The following HS3ST1 variants were observed in gnomAD, a reference collection of about 807,000 sequenced individuals.
The protein encoded by HS3ST1 is heparan sulfate-glucosamine 3-sulfotransferase 1, also known as heparan sulfate glucosamine 3-O-sulfotransferase 1.
A neutral mutation model predicts 20.7 loss-of-function variants in HS3ST1; 8 were observed. The ratio of observed to expected loss-of-function variants is 0.39; its 90% CI spans 0.23 to 0.70. The LOEUF (loss-of-function observed/expected upper bound fraction) is 0.70, where lower values mean the gene tolerates loss of function less well. Ranked by LOEUF, HS3ST1 falls within the 30% of genes least tolerant of loss-of-function variation. The pLI, the probability that HS3ST1 is intolerant of heterozygous loss-of-function variation, is 0.46. For synonymous variants in HS3ST1, 205 were observed against 190.4 expected (o/e 1.08, Z -0.63); for missense variants, 436 against 423.4 (o/e 1.03, Z -0.26).
intron 1 of HS3ST1, among the ~76,000 whole-genome samples, chr4:11,425,432 G>A (rs1293379164): frequency 1.3e-5 from 2 of 152,154 alleles, no homozygotes; most frequent in African/African-American, 2.4e-5. Flanking sequence ...GACATGTAAT[G>A]TGTATTATGT....
rs903722916 is a variant in HS3ST1 at position 11,393,715 on chromosome 4, T to G, written c.*5367A>C. The G allele has an allele frequency of 1.3e-5, 2 of 150,616 alleles. No homozygotes were observed. Among genetic ancestry groups the G allele is most frequent in the Non-Finnish European group, 3.0e-5 (2 of 67,698 alleles). The allele number at this position is 150,616 out of a possible 1,614,324, so 9.3% of individuals were successfully genotyped here. A position where few individuals can be genotyped will look rare whatever the true frequency, so the allele number is the denominator to read the frequency against. On this transcript the variant is annotated 3_prime_UTR_variant, in exon 2 of 2. Coordinates refer to ENST00000002596, the MANE Select transcript of HS3ST1 (RefSeq NM_005114.4). ...CTCTGAGCATGAGTTGCACCAGAGG[T>G]TGTCCTGCCTGGAGGCAATGAGGGT...
In HS3ST1 at chr4:11,399,283, G is replaced by T. The variant is rs1392422510; in HGVS notation, c.723C>A (p.Ile241=). 5 of 1,614,154 alleles carry T rather than the reference G, an allele frequency of 3.1e-6. No individual in the cohort carries two copies. Among genetic ancestry groups the T allele is most frequent in the Middle Eastern group, 3.3e-4 (2 of 6,062 alleles). The change falls in exon 2 of 2, where the codon ATC becomes ATA. Residue 241 remains isoleucine (I), a synonymous_variant. Transcript: ENST00000002596. This position sits in a 1 kb window ranked among gnomAD's most constrained non-coding sequence, Gnocchi z 5.1. ...TGTTAAAGTAGAAGTTCGAAGCATT[G>T]ATCTGCGGCGACAGCTTTAGGAACC... is the stretch of plus-strand genomic sequence containing the variant. The part of the protein sequence containing the change: ...VERFLKLSPQ[I]NASNFYFNKT...
intron 1 of HS3ST1, among the ~76,000 whole-genome samples, chr4:11,411,392 C>T (rs1718630659): frequency 1.3e-5 from 2 of 152,186 alleles, no homozygotes; most frequent in Non-Finnish European, 2.9e-5. Context: ...TTCCATCTGT[C>T]CCTTACTTGA....
At chr4:11,433,599 A>G (rs1719243998), upstream of HS3ST1, among the ~76,000 whole-genome samples, 1 of 152,094 alleles carries the variant, frequency 6.6e-6, no homozygotes. Context: ...AAGCTGGCTG[A>G]TCTTTTGATG....
intron 1 of HS3ST1, among the ~76,000 whole-genome samples, chr4:11,402,467 C>G (rs1718350503): frequency 6.6e-6 from 1 of 152,126 alleles, no homozygotes; most frequent in Non-Finnish European, 1.5e-5. Flanking sequence ...CTCAAGTCAC[C>G]TATGTGGTTC....
At chr4:11,433,328 T>G (rs1719240070), upstream of HS3ST1, among the ~76,000 whole-genome samples, 1 of 152,212 alleles carries the variant, frequency 6.6e-6, no homozygotes, top group South Asian at 2.1e-4. Flanking sequence ...AGGTAAAGTA[T>G]GCACAGTAAA....
rs1036570906 is a variant in HS3ST1, at chr4:11,395,845, G to A, written c.*3237C>T. On this transcript the variant is annotated 3_prime_UTR_variant, in exon 2 of 2. Transcript: ENST00000002596. Reference sequence around the variant, plus strand: ...CTAGTTGATTTCTCTCAGGAATGTTGCTGAACTGAATGCCAAACCATGGAA... The same window carrying A: ...CTAGTTGATTTCTCTCAGGAATGTTACTGAACTGAATGCCAAACCATGGAA... 2 of 152,150 alleles carry A rather than the reference G, an allele frequency of 1.3e-5. No homozygotes were observed. Among genetic ancestry groups the A allele is most frequent in the African/African-American group, 4.8e-5 (2 of 41,404 alleles). 9.4% of individuals were successfully genotyped at this position (152,150 alleles called of 1,614,324 possible).
At chr4:11,419,283 AATG>A (rs1718863852) in intron 1 of HS3ST1, among the ~76,000 whole-genome samples, 1 of 152,058 alleles carries the variant, frequency 6.6e-6, no homozygotes, top group South Asian at 2.1e-4. Flanking sequence ...TGGCCTAGAA[AATG>A]AATAACAGTG....
intron 1 of HS3ST1, among the ~76,000 whole-genome samples, chr4:11,428,226 C>T (rs1198999004): frequency 1.3e-5 from 2 of 152,240 alleles, no homozygotes; most frequent in Non-Finnish European, 2.9e-5. Flanking sequence ...CCGACCAAGG[C>T]TTCTCCACCC....
intron 1 of HS3ST1, among the ~76,000 whole-genome samples, chr4:11,418,772 TCC>T (rs1718852610): frequency 6.6e-6 from 1 of 152,162 alleles, no homozygotes. Flanking sequence ...CCATGGCCTG[TCC>T]CTCCACAAGA....
In HS3ST1 at chr4:11,395,635, G is replaced by C. The variant is rs4697886; in HGVS notation, c.*3447C>G. On this transcript the variant is annotated 3_prime_UTR_variant, in exon 2 of 2. Coordinates refer to ENST00000002596, the MANE Select transcript of HS3ST1 (RefSeq NM_005114.4). ...TGGGATTACAGGCACTCGCCACCAT[G>C]CCTGGCACATTTTTGTATTTTTAGT... The C allele has an allele frequency of 0.27, 40,816 of 151,700 alleles. 6,837 individuals are homozygous for C. The highest frequency in any genetic ancestry group is 0.45 in the Middle Eastern group (133 of 294). The allele number at this position is 151,700 out of a possible 1,614,324, so 9.4% of individuals were successfully genotyped here. A position where few individuals can be genotyped will look rare whatever the true frequency, so the allele number is the denominator to read the frequency against.
intron 1 of HS3ST1, among the ~76,000 whole-genome samples, chr4:11,416,563 T>G (rs528517701): frequency 1.3e-5 from 2 of 152,256 alleles, no homozygotes; most frequent in South Asian, 4.2e-4. Context: ...CTCCTCCCTT[T>G]GGCTGTTTGT....
At position 11,397,190 on chromosome 4, in the gene HS3ST1, C is replaced by G. The variant is rs1718167278; in HGVS notation, c.*1892G>C. ...CTCTGCCTATTGAAAAGTACCATGT[C>G]CACCAGGGGCCTGCTGTAAATATTT... On this transcript the variant is annotated 3_prime_UTR_variant, in exon 2 of 2. Transcript: ENST00000002596. The G allele has an allele frequency of 6.6e-6, 1 of 152,224 alleles. No homozygotes were observed. Among genetic ancestry groups the G allele is most frequent in the South Asian group, 2.1e-4 (1 of 4,828 alleles). 9.4% of individuals were successfully genotyped at this position (152,224 alleles called of 1,614,324 possible).
At chr4:11,417,950 C>G (rs1167856119) in intron 1 of HS3ST1, among the ~76,000 whole-genome samples, 1 of 152,238 alleles carries the variant, frequency 6.6e-6, no homozygotes, top group African/African-American at 2.4e-5. Context: ...TCCTCTTTCA[C>G]TGCTTCAAAT....
chr4:11,403,586 G>A (rs1241408979), intron 1 of HS3ST1, among the ~76,000 whole-genome samples: 2 of 152,124 alleles, frequency 1.3e-5, no homozygotes, highest in Non-Finnish European at 1.5e-5. Context: ...ACTGTCTTCC[G>A]AGTAAGTGGT....
At chr4:11,400,238 A>G (rs1718287053) in intron 1 of HS3ST1, 125 bp from the exon 2 acceptor site, 3 of 763,652 alleles carry the variant, frequency 3.9e-6, no homozygotes, top group South Asian at 7.7e-5. Flanking sequence ...TTCTTATCCT[A>G]TACAGGAGCC....
rs78469854 is a variant in HS3ST1, at chr4:11,415,042, A to G, written c.-109+13657T>C. ...CTGCCAATCCAATGAGATGAAAGAA[A>G]CTGTGGAATAGACATTATTTCATCA... On this transcript the variant is annotated intron_variant, in intron 1 of 1. Transcript: ENST00000002596. 5.7e-3 allele frequency among the ~76,000 whole-genome samples: 867 copies of G among 152,332 alleles called. 13 individuals carry two copies. The highest frequency in any genetic ancestry group is 0.02 in the African/African-American group (812 of 41,572).
upstream of HS3ST1, among the ~76,000 whole-genome samples, chr4:11,433,392 CA>C (rs756169135): frequency 2.2e-4 from 33 of 152,134 alleles, no homozygotes; most frequent in Admixed American, 4.6e-4. Flanking sequence ...CAACTATAGA[CA>C]AATAGAATAT....
chr4:11,428,165 C>G (rs1719111750), intron 1 of HS3ST1, among the ~76,000 whole-genome samples: 1 of 145,110 alleles, frequency 6.9e-6, no homozygotes, highest in Non-Finnish European at 1.5e-5. Flanking sequence ...GCTGTCACCT[C>G]AATCTCTCTC....
Sources: allele counts gnomAD v4.1 joint callset (sites outside exome capture counted in the v4.1 genomes callset), GRCh38; gene constraint gnomAD v4.1.1; non-coding constraint Gnocchi (gnomAD v3.1); transcripts MANE v1.5; gene names NCBI Gene and HGNC (gene_info 2026-07-23, HGNC 2026-07-21).